CSMD1: variants seen among roughly 807,000 people sequenced by gnomAD.
The protein encoded by CSMD1 is CUB and Sushi multiple domains 1.
Under a neutral mutation model 417.5 loss-of-function variants are expected in CSMD1, and 213 were observed. That is an observed-to-expected ratio of 0.51 (90% CI 0.46 to 0.57). CSMD1 has a LOEUF of 0.57. CSMD1 is among the 20% of genes least tolerant of loss of function. The pLI is 0.00. For synonymous variants in CSMD1, 2,862 were observed against 1,736.8 expected (o/e 1.65, Z -16.11); for missense variants, 6,923 against 4,529.7 (o/e 1.53, Z -15.17).
chr8:3,142,384 A>G (rs1818556314), intron 41 of CSMD1, 81 bp downstream of exon 41: 1 of 1,212,356 alleles, frequency 8.2e-7, no homozygotes, highest in African/African-American at 1.5e-5. Flanking sequence ...GGAACCAGTT[A>G]GGGAGATTTA....
chr8:4,525,597 T>G (rs1217583766), intron 2 of CSMD1, among the ~76,000 whole-genome samples: 1 of 152,164 alleles, frequency 6.6e-6, no homozygotes, highest in Non-Finnish European at 1.5e-5. Flanking sequence ...GGTTTATACA[T>G]GAAGTATGAA....
intron 10 of CSMD1, among the ~76,000 whole-genome samples, chr8:3,525,487 C>G (rs1797716811): frequency 6.6e-6 from 1 of 152,144 alleles, no homozygotes; most frequent in Non-Finnish European, 1.5e-5. Context: ...GAGCTATCCT[C>G]CGTGATAAGA....
intron 3 of CSMD1, among the ~76,000 whole-genome samples, chr8:4,082,600 TTTTTC>T (rs543695426): frequency 5.0e-4 from 73 of 146,174 alleles, no homozygotes; most frequent in African/African-American, 1.8e-3. Flanking sequence ...AAACCTTTCT[TTTTTC>T]GTTTTATTTT....
intron 1 of CSMD1, among the ~76,000 whole-genome samples, chr8:4,915,922 G>A (rs1204877667): frequency 6.6e-6 from 1 of 152,166 alleles, no homozygotes; most frequent in African/African-American, 2.4e-5. Context: ...CATGGGGAGT[G>A]GGTATAAAAC....
intron 3 of CSMD1, among the ~76,000 whole-genome samples, chr8:4,285,950 G>A (rs1439967022): frequency 1.3e-5 from 2 of 152,002 alleles, no homozygotes; most frequent in East Asian, 1.9e-4. Flanking sequence ...TGATATATCC[G>A]CAATGCTATA....
chr8:3,866,791 C>A (rs545388713), intron 5 of CSMD1, among the ~76,000 whole-genome samples: 1 of 152,138 alleles, frequency 6.6e-6, no homozygotes. Context: ...CCTTCAATAA[C>A]GGCTCACAAA....
At chr8:4,971,950 G>A (rs1260569167) in intron 1 of CSMD1, among the ~76,000 whole-genome samples, 2 of 152,036 alleles carry the variant, frequency 1.3e-5, no homozygotes, top group Non-Finnish European at 2.9e-5. Flanking sequence ...CAAACATCAT[G>A]CATTTGAAGG....
chr8:3,884,591 C>A (rs542788318), intron 5 of CSMD1, among the ~76,000 whole-genome samples: 1 of 152,090 alleles, frequency 6.6e-6, no homozygotes, highest in Non-Finnish European at 1.5e-5. Flanking sequence ...ATGGAAACAT[C>A]GGTGAGAAGT....
chr8:3,143,738 G>C (rs1002893631), intron 40 of CSMD1, among the ~76,000 whole-genome samples: 3 of 152,130 alleles, frequency 2.0e-5, no homozygotes, highest in East Asian at 1.9e-4. Flanking sequence ...TTCTGTTTTT[G>C]ATAGATGAGA....
intron 25 of CSMD1, among the ~76,000 whole-genome samples, chr8:3,296,897 G>A (rs775191724): frequency 6.6e-6 from 1 of 152,150 alleles, no homozygotes; most frequent in Admixed American, 6.5e-5. Context: ...GGGGTATGTA[G>A]GTAGCTGTTC....
intron 8 of CSMD1, among the ~76,000 whole-genome samples, chr8:3,596,766 G>A (rs1343074141): frequency 6.6e-6 from 1 of 151,912 alleles, no homozygotes; most frequent in Non-Finnish European, 1.5e-5. Flanking sequence ...CTATAATTCA[G>A]GGCACACACA....
chr8:3,628,086 T>G (rs1796584487), intron 7 of CSMD1, among the ~76,000 whole-genome samples: 1 of 152,136 alleles, frequency 6.6e-6, no homozygotes, highest in Admixed American at 6.5e-5. Flanking sequence ...TTTTTTTAAA[T>G]AAAAGAAACA....
At chr8:4,729,585 A>G (rs916723111) in intron 1 of CSMD1, among the ~76,000 whole-genome samples, 2 of 152,114 alleles carry the variant, frequency 1.3e-5, no homozygotes, top group East Asian at 3.9e-4. Flanking sequence ...CTAGAGAAAC[A>G]TATAAAAAAA....
chr8:3,720,755 T>C (rs1372057483), intron 6 of CSMD1, among the ~76,000 whole-genome samples: 3 of 152,130 alleles, frequency 2.0e-5, no homozygotes, highest in East Asian at 3.9e-4. Context: ...AGAGCAAAGC[T>C]GTAACACCTT....
intron 5 of CSMD1, among the ~76,000 whole-genome samples, chr8:3,940,361 G>T (rs144062588): frequency 9.2e-5 from 14 of 151,896 alleles, no homozygotes; most frequent in Non-Finnish European, 1.6e-4. Context: ...ATGGTGGGGG[G>T]AAAACAGTAT....
At chr8:4,622,747 G>A (rs1266007749) in intron 2 of CSMD1, among the ~76,000 whole-genome samples, 1 of 152,044 alleles carries the variant, frequency 6.6e-6, no homozygotes, top group Non-Finnish European at 1.5e-5. Context: ...CCACTTCCGT[G>A]CAACATTGTA....
chr8:3,389,523 A>G (rs564509938), intron 17 of CSMD1, among the ~76,000 whole-genome samples: 1 of 152,336 alleles, frequency 6.6e-6, no homozygotes, highest in South Asian at 2.1e-4. Flanking sequence ...ACAGTTAACT[A>G]AATAATTTCA....
chr8:3,735,539 C>A (rs7013078), intron 6 of CSMD1, among the ~76,000 whole-genome samples: 5,464 of 152,308 alleles, frequency 0.036, 130 homozygotes, highest in African/African-American at 0.05. Context: ...CAGTAAAAAG[C>A]AAATTCTGCC....
At position 4,834,352 on chromosome 8, in the gene CSMD1, C is replaced by G. The variant is rs1585181611; in HGVS notation, c.85+159980G>C. On this transcript the variant is annotated intron_variant, in intron 1 of 69. Coordinates refer to ENST00000635120, the MANE Select transcript of CSMD1 (RefSeq NM_033225.6). ...GATTTACTTGATGGCAAGAACGCAT[C>G]ATCTGTAGGAAGATATACGTTAGGA... is the stretch of plus-strand genomic sequence containing the variant. Among the ~76,000 whole-genome samples, 3 of 152,208 alleles carry G rather than the reference C, an allele frequency of 2.0e-5. No homozygotes were observed. The East Asian group carries it at 5.8e-4, about 30-fold the overall frequency.
Sources: allele counts gnomAD v4.1 joint callset (sites outside exome capture counted in the v4.1 genomes callset), GRCh38; gene constraint gnomAD v4.1.1; transcripts MANE v1.5; gene names NCBI Gene and HGNC (gene_info 2026-07-23, HGNC 2026-07-21).